OCA2: variants seen among roughly 807,000 people sequenced by gnomAD.
OCA2 encodes the protein P protein.
A neutral mutation model predicts 100.2 loss-of-function variants in OCA2; 77 were observed. The ratio of observed to expected loss-of-function variants is 0.77; its 90% CI spans 0.64 to 0.93. The LOEUF (loss-of-function observed/expected upper bound fraction) is 0.93, where lower values mean the gene tolerates loss of function less well. Ranked by LOEUF, OCA2 falls within the 40% of genes least tolerant of loss-of-function variation. OCA2 has a pLI of 0.00. For synonymous variants in OCA2, 432 were observed against 439.2 expected, an observed-to-expected ratio of 0.98 and a Z score of 0.21; for missense variants, 1,062 against 1,089.1, an observed-to-expected ratio of 0.98 and a Z score of 0.35.
intron 18 of OCA2, among the ~76,000 whole-genome samples, chr15:27,948,058 G>T (rs915603138): frequency 1.3e-5 from 2 of 152,200 alleles, no homozygotes; most frequent in Non-Finnish European, 2.9e-5. Flanking sequence ...AATGAACCAG[G>T]CATTAGCAGC....
intron 9 of OCA2, among the ~76,000 whole-genome samples, chr15:27,990,936 CTG>C (rs2041537689): frequency 6.6e-6 from 1 of 152,212 alleles, no homozygotes; most frequent in South Asian, 2.1e-4. Context: ...CCATAGCAAA[CTG>C]TCATTAATTA....
At chr15:28,058,615 C>T (rs2043777664) in intron 2 of OCA2, among the ~76,000 whole-genome samples, 1 of 152,134 alleles carries the variant, frequency 6.6e-6, no homozygotes, top group South Asian at 2.1e-4. Context: ...GGGGTGGTGC[C>T]CTGCTGGGAA....
chr15:28,074,673 C>CAAA (rs1172821817), intron 2 of OCA2, among the ~76,000 whole-genome samples: 20 of 66,892 alleles, frequency 3.0e-4, no homozygotes, highest in African/African-American at 5.0e-4. Flanking sequence ...GACTCCGTCT[C>CAAA]AAAAAAAAAA....
intron 23 of OCA2, among the ~76,000 whole-genome samples, chr15:27,816,504 G>A (rs979007767): frequency 1.3e-5 from 2 of 152,184 alleles, no homozygotes; most frequent in Non-Finnish European, 2.9e-5. Flanking sequence ...GTAAGTATGG[G>A]TGGATTTCTC....
rs2036550276 is a variant in OCA2 at position 27,871,095 on chromosome 15, G to A, written c.2244+59C>T. On this transcript the variant is annotated intron_variant, in intron 21 of 23. Transcript: ENST00000354638. The stretch of plus-strand genomic sequence containing the variant: ...CTCTGCTGCCTTAGGAAGGGAGGGT[G>A]AGCCCCAGGCTATGTCCAGGCTAAA... The A allele has an allele frequency of 3.2e-6, 4 of 1,258,658 alleles. No individual in the cohort carries two copies. In the East Asian group the frequency reaches 9.3e-5, roughly 29 times the overall value. The allele number at this position is 1,258,658 out of a possible 1,614,324, so 78.0% of individuals were successfully genotyped here. A position where few individuals can be genotyped will look rare whatever the true frequency, so the allele number is the denominator to read the frequency against.
chr15:27,853,474 A>C (rs28438723), intron 21 of OCA2, among the ~76,000 whole-genome samples: 14,987 of 147,274 alleles, frequency 0.1, 1,535 homozygotes, highest in African/African-American at 0.29. Context: ...CCTAATGCTA[A>C]ATGACGAGTT....
intron 9 of OCA2, among the ~76,000 whole-genome samples, chr15:27,991,695 A>G (rs2041561567): frequency 6.6e-6 from 1 of 152,174 alleles, no homozygotes; most frequent in Non-Finnish European, 1.5e-5. Context: ...AAGGGGTGAA[A>G]TTAATGGTAT....
At chr15:27,977,679 C>T (rs1046561911) in intron 14 of OCA2, among the ~76,000 whole-genome samples, 1 of 152,204 alleles carries the variant, frequency 6.6e-6, no homozygotes. Flanking sequence ...CAAAGCCCTA[C>T]CTCGCCCCCT....
intron 23 of OCA2, among the ~76,000 whole-genome samples, chr15:27,832,827 C>G (rs1183572185): frequency 8.9e-6 from 1 of 111,762 alleles, no homozygotes; most frequent in Non-Finnish European, 1.9e-5. Flanking sequence ...GATTAAATAT[C>G]TGATTTTTTT....
chr15:27,978,385 T>C (rs1305381225), intron 14 of OCA2, among the ~76,000 whole-genome samples: 3 of 152,218 alleles, frequency 2.0e-5, no homozygotes, highest in Non-Finnish European at 4.4e-5. Flanking sequence ...ATTGTGAGAA[T>C]TGTACTGAAC....
intron 2 of OCA2, among the ~76,000 whole-genome samples, chr15:28,069,364 C>G (rs376290768): frequency 6.6e-4 from 8 of 12,158 alleles, no homozygotes; most frequent in African/African-American, 3.9e-3. Context: ...TGCCCTCTCC[C>G]TCTCCCTCTC....
At chr15:27,780,090 CAA>C (rs1274479855) in intron 23 of OCA2, among the ~76,000 whole-genome samples, 1 of 152,156 alleles carries the variant, frequency 6.6e-6, no homozygotes, top group African/African-American at 2.4e-5. Flanking sequence ...AGAGTTCTCT[CAA>C]AGAGATTTTT....
chr15:27,799,730 G>C (rs2033509488), intron 23 of OCA2, among the ~76,000 whole-genome samples: 1 of 143,402 alleles, frequency 7.0e-6, no homozygotes, highest in African/African-American at 2.6e-5. Flanking sequence ...GAGTGACAGA[G>C]CAAGACTCCG....
At chr15:27,861,948 TC>T (rs889273565) in intron 21 of OCA2, among the ~76,000 whole-genome samples, 1 of 151,704 alleles carries the variant, frequency 6.6e-6, no homozygotes, top group Non-Finnish European at 1.5e-5. Context: ...GAGCCAGACA[TC>T]CCCCCACACA....
intron 19 of OCA2, among the ~76,000 whole-genome samples, chr15:27,882,879 A>T (rs529534052): frequency 6.6e-6 from 1 of 152,152 alleles, no homozygotes; most frequent in African/African-American, 2.4e-5. Context: ...AAGCCTTGCC[A>T]TCTTGCTTCA....
Position 28,014,874 on chromosome 15 carries a change from G to C in OCA2, c.946C>G (p.Leu316Val). The C allele has an allele frequency of 6.2e-7, 1 of 1,614,196 alleles. No homozygotes were observed. Among genetic ancestry groups the C allele is most frequent in the Non-Finnish European group, 8.5e-7 (1 of 1,180,026 alleles). Residue 316 changes from leucine (L) to valine (V), a missense_variant, in exon 9 of 24, where the codon CTT (leucine) becomes GTT (valine). Coordinates refer to ENST00000354638, the MANE Select transcript of OCA2 (RefSeq NM_000275.3). Reference protein sequence around the residue: ...ASLQQTQAVPLLMAHQYLRGS... With the variant: ...ASLQQTQAVPVLMAHQYLRGS... ...CGGAGGTACTGATGAGCCATCAAAAGAGGGACAGCCTGGGTCTGCTGCAGG... is the reference window on the plus strand; with the variant it reads ...CGGAGGTACTGATGAGCCATCAAAACAGGGACAGCCTGGGTCTGCTGCAGG...
intron 17 of OCA2, among the ~76,000 whole-genome samples, chr15:27,953,626 G>A (rs117616283): frequency 0.02 from 3,082 of 152,314 alleles, 50 homozygotes; most frequent in Middle Eastern, 0.061. Flanking sequence ...ATTGGAGGTG[G>A]AGGAGTAGGC....
At chr15:27,816,315 G>A (rs1009877203) in intron 23 of OCA2, among the ~76,000 whole-genome samples, 36 of 152,116 alleles carry the variant, frequency 2.4e-4, no homozygotes, top group Non-Finnish European at 4.6e-4. Context: ...CAGAATCATC[G>A]GGAAGTGTAA....
In OCA2 at chr15:27,954,915, C is replaced by T. The variant is rs144477385; in HGVS notation, c.1842+243G>A. Among the ~76,000 whole-genome samples the T allele has an allele frequency of 3.1e-3, 468 of 152,302 alleles. 5 individuals carry two copies. Among genetic ancestry groups the T allele is most frequent in the African/African-American group, 0.011 (444 of 41,574 alleles). ...CCCGCTCAGAGGGCGGGCCCTGCAA[C>T]GTGCAGGGACAGGGAAAGGCTCTAT... On this transcript the variant is annotated intron_variant, in intron 17 of 23. Transcript: ENST00000354638.
Sources: gnomAD v4.1 joint callset for allele counts (sites outside exome capture counted in the v4.1 genomes callset) on GRCh38, gnomAD v4.1.1 for gene constraint, MANE v1.5 for transcripts, NCBI Gene and HGNC (gene_info 2026-07-23, HGNC 2026-07-21) for gene names.